Variants in TXNDC16 observed in about 807,000 individuals in gnomAD.
TXNDC16 encodes thioredoxin domain containing 16.
TXNDC16 carries 74 observed loss-of-function variants against 85.6 expected under a neutral mutation model. That is an observed-to-expected ratio of 0.86 (90% CI 0.72 to 1.05). The LOEUF is 1.05. Among genes scored for constraint, TXNDC16 ranks in the 50% least tolerant of loss-of-function variants. The pLI is 0.00. For missense variants in TXNDC16, 959 were observed against 947.0 expected (o/e 1.01, Z -0.17); for synonymous variants, 335 against 326.5 (o/e 1.03, Z -0.28).
chr14:52,494,020 A>G (rs1471404586), intron 9 of TXNDC16, among the ~76,000 whole-genome samples: 1 of 152,000 alleles, frequency 6.6e-6, no homozygotes, highest in Admixed American at 6.6e-5. Flanking sequence ...GACTCAGCCA[A>G]TCCACCCACC....
chr14:52,542,863 C>T (rs2037861980), intron 3 of TXNDC16, among the ~76,000 whole-genome samples: 1 of 152,060 alleles, frequency 6.6e-6, no homozygotes, highest in East Asian at 1.9e-4. Context: ...ACTCACTTCA[C>T]TTATTAATTC....
At chr14:52,451,878 T>C (rs1019155444) in intron 18 of TXNDC16, among the ~76,000 whole-genome samples, 7 of 152,106 alleles carry the variant, frequency 4.6e-5, no homozygotes, top group Admixed American at 2.6e-4. Flanking sequence ...GCATCCAAAT[T>C]GGAAGGGAAG....
At chr14:52,497,204 C>T (rs930843925) in intron 9 of TXNDC16, among the ~76,000 whole-genome samples, 11 of 151,978 alleles carry the variant, frequency 7.2e-5, no homozygotes, top group Admixed American at 4.6e-4. Flanking sequence ...CTATTATGAG[C>T]AATTATATGC....
At chr14:52,445,175 T>C (rs760919254) in intron 18 of TXNDC16, among the ~76,000 whole-genome samples, 20 of 152,180 alleles carry the variant, frequency 1.3e-4, no homozygotes, top group African/African-American at 3.9e-4. Flanking sequence ...CAAAGGCTTC[T>C]AGTAATTCCA....
chr14:52,489,581 A>G (rs2036354173), intron 11 of TXNDC16, among the ~76,000 whole-genome samples: 1 of 152,232 alleles, frequency 6.6e-6, no homozygotes, highest in South Asian at 2.1e-4. Flanking sequence ...AATTTGTTCC[A>G]AATATTCACA....
intron 4 of TXNDC16, among the ~76,000 whole-genome samples, chr14:52,538,249 G>A (rs966915435): frequency 6.6e-6 from 1 of 152,126 alleles, no homozygotes; most frequent in Non-Finnish European, 1.5e-5. Flanking sequence ...CCAAAAATAG[G>A]TAAGACAGAT....
intron 7 of TXNDC16, among the ~76,000 whole-genome samples, chr14:52,517,998 AT>A (rs1240029603): frequency 6.6e-6 from 1 of 152,136 alleles, no homozygotes; most frequent in East Asian, 1.9e-4. Flanking sequence ...GGTAGGCATA[AT>A]GGCCACTTGG....
At chr14:52,487,937 A>G (rs1283893066) in intron 12 of TXNDC16, among the ~76,000 whole-genome samples, 1 of 152,272 alleles carries the variant, frequency 6.6e-6, no homozygotes, top group African/African-American at 2.4e-5. Flanking sequence ...ACTGAAATTT[A>G]CTTCTTATAC....
intron 16 of TXNDC16, among the ~76,000 whole-genome samples, chr14:52,460,338 T>C (rs566297095): frequency 6.6e-6 from 1 of 152,316 alleles, no homozygotes; most frequent in Non-Finnish European, 1.5e-5. Flanking sequence ...ATCATTAAAA[T>C]GGCCATACTG....
At chr14:52,470,268 C>T (rs563487176) in intron 15 of TXNDC16, 95 bp from the exon 16 acceptor site, 3 of 992,892 alleles carry the variant, frequency 3.0e-6, no homozygotes, top group African/African-American at 1.6e-5. Context: ...CAATATATTA[C>T]ATAGGATAAT....
At chr14:52,490,261 A>G (rs549219961) in intron 11 of TXNDC16, 130 bp downstream of exon 11, 95 of 545,764 alleles carry the variant, frequency 1.7e-4, no homozygotes, top group Non-Finnish European at 2.7e-4. Context: ...AAACGTTAAC[A>G]GCAATTTTCT....
At chr14:52,521,238 G>A (rs865822603) in intron 6 of TXNDC16, among the ~76,000 whole-genome samples, 10 of 150,580 alleles carry the variant, frequency 6.6e-5, no homozygotes, top group Non-Finnish European at 1.2e-4. Flanking sequence ...TCAGCCTCCC[G>A]AGTGGCTGGG....
intron 9 of TXNDC16, among the ~76,000 whole-genome samples, chr14:52,495,697 TGTAAAATACACACCTCTCTCCAAGA>T: frequency 6.6e-6 from 1 of 152,186 alleles, no homozygotes; most frequent in African/African-American, 2.4e-5. Flanking sequence ...CACTTCCATG[TGTAAAATACACACCTCTCTCCAAGA>T]CTCCTAAAGC....
At chr14:52,546,495 C>T (rs1327265884) in intron 1 of TXNDC16, among the ~76,000 whole-genome samples, 7 of 152,162 alleles carry the variant, frequency 4.6e-5, no homozygotes. Flanking sequence ...AGATGACTTA[C>T]TGTGGCCAAT....
At chr14:52,465,632 C>T (rs908647788) in intron 16 of TXNDC16, among the ~76,000 whole-genome samples, 3 of 150,842 alleles carry the variant, frequency 2.0e-5, no homozygotes, top group Non-Finnish European at 4.4e-5. Flanking sequence ...GTTACCGACT[C>T]AAGAGGCCAC....
intron 20 of TXNDC16, among the ~76,000 whole-genome samples, chr14:52,434,792 C>T (rs2034988122): frequency 6.6e-6 from 1 of 152,226 alleles, no homozygotes. Context: ...GAATCCAATA[C>T]ACAGAGACTG....
chr14:52,531,044 T>C (rs1275294298), intron 6 of TXNDC16, among the ~76,000 whole-genome samples: 1 of 152,018 alleles, frequency 6.6e-6, no homozygotes, highest in African/African-American at 2.4e-5. Context: ...TCATCATAGA[T>C]AGACAGATGG....
At chr14:52,478,906 T>C (rs370492017) in intron 14 of TXNDC16, among the ~76,000 whole-genome samples, 3 of 152,020 alleles carry the variant, frequency 2.0e-5, no homozygotes, top group African/African-American at 7.2e-5. Context: ...ATAGATGCTA[T>C]AATCCTCAAC....
At chr14:52,495,425 T>C (rs2036508487) in intron 9 of TXNDC16, among the ~76,000 whole-genome samples, 2 of 152,152 alleles carry the variant, frequency 1.3e-5, no homozygotes, top group Admixed American at 6.5e-5. Flanking sequence ...AACATAGCCA[T>C]TAATGATATA....
Sources: allele counts gnomAD v4.1 joint callset (sites outside exome capture counted in the v4.1 genomes callset), GRCh38; gene constraint gnomAD v4.1.1; transcripts MANE v1.5; gene names NCBI Gene and HGNC (gene_info 2026-07-23, HGNC 2026-07-21).